KDM5B: variants seen among roughly 807,000 people sequenced by gnomAD.
KDM5B encodes lysine-specific demethylase 5B.
KDM5B carries 144 observed loss-of-function variants against 193.4 expected under a neutral mutation model. That is an observed-to-expected ratio of 0.74 (90% CI 0.65 to 0.86). The LOEUF (loss-of-function observed/expected upper bound fraction) is 0.86, where lower values mean the gene tolerates loss of function less well. Among genes scored for constraint, KDM5B ranks in the 40% least tolerant of loss-of-function variants. The pLI is 0.00. For synonymous variants in KDM5B, 668 were observed against 682.6 expected (o/e 0.98, Z 0.33); for missense variants, 1,833 against 1,886.9 (o/e 0.97, Z 0.53).
Position 202,748,958 on chromosome 1 carries a change from G to A in KDM5B, c.2003C>T (p.Thr668Ile). Reference sequence around the variant, plus strand: ...CATAAGCCTTACCAATTTACGGACAGTTTCTCTTAAAGCTTTCTCATCCTC... The same window carrying A: ...CATAAGCCTTACCAATTTACGGACAATTTCTCTTAAAGCTTTCTCATCCTC... Reference protein sequence around the residue: ...MIEDEKALRETVRKLGVIDSE... With the variant: ...MIEDEKALREIVRKLGVIDSE... Residue 668 changes from threonine to isoleucine, a missense_variant, in exon 14 of 27, where the codon ACT becomes ATT. Transcript: ENST00000367265. 6.2e-7 allele frequency: 1 copy of A among 1,610,978 alleles called. No individual in the cohort carries two copies. The highest frequency in any genetic ancestry group is 8.5e-7 in the Non-Finnish European group (1 of 1,178,736).
intron 1 of KDM5B, among the ~76,000 whole-genome samples, chr1:202,779,637 T>C (rs1657111193): frequency 6.6e-6 from 1 of 151,262 alleles, no homozygotes; most frequent in Non-Finnish European, 1.5e-5. Flanking sequence ...CCGTCTCTAC[T>C]AAAAATACAC....
chr1:202,766,623 T>C (rs12140729), intron 5 of KDM5B: 306,594 of 451,148 alleles, frequency 0.68, 109,122 homozygotes, highest in Middle Eastern at 0.76. Context: ...CAACGCCAAT[T>C]TTGTGAGGGT....
At chr1:202,766,896 C>G (rs1558501533) in intron 5 of KDM5B, 30 bp downstream of exon 5, 1 of 1,552,738 alleles carries the variant, frequency 6.4e-7, no homozygotes, top group African/African-American at 1.4e-5. Context: ...CTTGAGAATT[C>G]CTTTTAAATT....
At chr1:202,789,293 G>T (rs1657538329) in intron 1 of KDM5B, among the ~76,000 whole-genome samples, 1 of 152,202 alleles carries the variant, frequency 6.6e-6, no homozygotes, top group East Asian at 1.9e-4. Flanking sequence ...GGCCAAGGCG[G>T]GTGGATCACT....
At chr1:202,775,256 G>T (rs1225148622) in intron 2 of KDM5B, among the ~76,000 whole-genome samples, 2 of 151,422 alleles carry the variant, frequency 1.3e-5, no homozygotes, top group Non-Finnish European at 2.9e-5. Flanking sequence ...ATAATTATAC[G>T]ACTGGGTGCA....
chr1:202,750,689 A>C lies in KDM5B; in HGVS notation c.1791T>G (p.Ala597=), dbSNP rs768496421. The C allele has an allele frequency of 6.2e-7, 1 of 1,614,020 alleles. No homozygotes were observed. The highest frequency in any genetic ancestry group is 1.1e-5 in the South Asian group (1 of 91,086). Residue 597 remains alanine, a synonymous_variant, in exon 13 of 27, where the codon GCT becomes GCG. Coordinates refer to ENST00000367265, the MANE Select transcript of KDM5B (RefSeq NM_006618.5). Reference sequence around the variant, plus strand: ...CAACAGTGCAGAAGTTAACAGCCTCAGCAAAATTAAAACCCTGGTTAAAAC... The same window carrying C: ...CAACAGTGCAGAAGTTAACAGCCTCCGCAAAATTAAAACCCTGGTTAAAAC... ...HSGFNQGFNF[A]EAVNFCTVDW...
chr1:202,757,496 T>C (rs969956352), intron 9 of KDM5B, among the ~76,000 whole-genome samples: 1 of 152,222 alleles, frequency 6.6e-6, no homozygotes, highest in African/African-American at 2.4e-5. Context: ...TGTCAAAATA[T>C]ACAGTTAACC....
Position 202,741,437 on chromosome 1 carries a change from C to G in KDM5B, c.2875G>C (p.Ala959Pro). ...APYSAVEKAM[A>P]RLQELLTVSE... ...ACTGTGAGCAGTTCCTGCAGCCGGG[C>G]CATAGCTTTCTCCACTGCTGAATAC... Residue 959 changes from alanine to proline, a missense_variant, in exon 19 of 27, where the codon GCC becomes CCC. Coordinates refer to ENST00000367265, the MANE Select transcript of KDM5B (RefSeq NM_006618.5). 1 of 1,609,242 alleles carries G rather than the reference C, an allele frequency of 6.2e-7. No individual in the cohort carries two copies. Among genetic ancestry groups the G allele is most frequent in the Non-Finnish European group, 8.5e-7 (1 of 1,176,838 alleles).
chr1:202,756,157 G>A (rs923630686), intron 10 of KDM5B, among the ~76,000 whole-genome samples: 1 of 152,130 alleles, frequency 6.6e-6, no homozygotes, highest in Non-Finnish European at 1.5e-5. Context: ...GAAGGCAAAG[G>A]ATGATAAGTA....
At chr1:202,768,936 A>T (rs1572746273) in intron 4 of KDM5B, among the ~76,000 whole-genome samples, 1 of 148,380 alleles carries the variant, frequency 6.7e-6, no homozygotes, top group Non-Finnish European at 1.5e-5. Flanking sequence ...CTGGTCTCAA[A>T]CTCCTGACCT....
At chr1:202,776,399 T>C (rs1488694484) in intron 2 of KDM5B, among the ~76,000 whole-genome samples, 1 of 151,878 alleles carries the variant, frequency 6.6e-6, no homozygotes, top group Non-Finnish European at 1.5e-5. Context: ...TTTAAAATTA[T>C]ATGGCAAGTA....
rs771677353 is a variant in KDM5B at position 202,749,010 on chromosome 1, C to A, written c.1951G>T (p.Val651Phe). The stretch of plus-strand genomic sequence containing the variant: ...ATCATAATGGCCATGTCTTTCTGAA[C>A]AGTTGAAGCCACTACAACATCTAAT... ...DVLDVVVAST[V>F]QKDMAIMIED... is the part of the protein sequence containing the mutation. Residue 651 changes from valine (V) to phenylalanine (F), a missense_variant, in exon 14 of 27, where the codon GTT (valine) becomes TTT (phenylalanine). Transcript: ENST00000367265. The A allele has an allele frequency of 1.9e-6, 3 of 1,613,810 alleles. No individual in the cohort carries two copies. The highest frequency in any genetic ancestry group is 2.5e-6 in the Non-Finnish European group (3 of 1,179,932).
At position 202,729,181 on chromosome 1, in the gene KDM5B, C is replaced by T; in HGVS notation, c.4498-8G>A. 6.2e-7 allele frequency: 1 copy of T among 1,613,994 alleles called. No individual in the cohort carries two copies. Among genetic ancestry groups the T allele is most frequent in the East Asian group, 2.2e-5 (1 of 44,884 alleles). On this transcript the variant is annotated splice_polypyrimidine_tract_variant and splice_region_variant and intron_variant, in intron 26 of 26. Coordinates refer to ENST00000367265, the MANE Select transcript of KDM5B (RefSeq NM_006618.5). ...ACACTGGACCCAGTCCACCTGGTTA[C>T]AAAGAGCAGGAAGATGGGGTTTTCA...
chr1:202,757,919 A>C (rs1348729103), intron 9 of KDM5B, among the ~76,000 whole-genome samples: 1 of 152,240 alleles, frequency 6.6e-6, no homozygotes, highest in Non-Finnish European at 1.5e-5. Context: ...ATGGAGTATT[A>C]AATGCTGAAT....
chr1:202,742,482 G>T lies in KDM5B; in HGVS notation c.2498C>A (p.Ser833Tyr). The T allele has an allele frequency of 6.2e-7, 1 of 1,614,014 alleles. No homozygotes were observed. The change falls in exon 18 of 27, where the codon TCC becomes TAC. Residue 833 changes from serine (S) to tyrosine (Y), a missense_variant. By Grantham distance (144) the Ser-to-Tyr change is moderately radical (BLOSUM62 -2). This residue lies in a region of KDM5B where 1,379 missense variants were observed against 1,349.6 expected (regional missense o/e 1.02). Coordinates refer to ENST00000367265, the MANE Select transcript of KDM5B (RefSeq NM_006618.5). ...QTRYRSGGGK[S>Y]QNQLTVNELR... ...CTCATTCACTGTCAACTGATTTTGG[G>T]ATTTCCCTCCACCAGATCGATATCT...
intron 1 of KDM5B, among the ~76,000 whole-genome samples, chr1:202,798,768 T>C (rs1049222702): frequency 6.6e-6 from 1 of 152,156 alleles, no homozygotes; most frequent in East Asian, 1.9e-4. Context: ...ATGCCTGTAG[T>C]CCCAGCACTT....
At chr1:202,804,134 A>C (rs1658190991) in intron 1 of KDM5B, among the ~76,000 whole-genome samples, 1 of 152,160 alleles carries the variant, frequency 6.6e-6, no homozygotes, top group African/African-American at 2.4e-5. Flanking sequence ...GTTTCTTTTG[A>C]GGGAGATGAA....
intron 1 of KDM5B, among the ~76,000 whole-genome samples, chr1:202,799,239 G>A (rs915862473): frequency 6.6e-6 from 1 of 152,126 alleles, no homozygotes; most frequent in Non-Finnish European, 1.5e-5. Context: ...ATACGTTGCA[G>A]AAAAATGACT....
intron 2 of KDM5B, 145 bp downstream of exon 2, chr1:202,776,872 C>A: frequency 1.5e-6 from 1 of 647,310 alleles, no homozygotes; most frequent in East Asian, 2.7e-5. Flanking sequence ...CTGTTCTCTA[C>A]AGAAAGAAAT....
Sources: allele counts gnomAD v4.1 joint callset (sites outside exome capture counted in the v4.1 genomes callset), GRCh38; gene constraint gnomAD v4.1.1; regional missense constraint gnomAD v4.1.1; transcripts MANE v1.5; gene names NCBI Gene and HGNC (gene_info 2026-07-23, HGNC 2026-07-21).